CCL26: variants seen among roughly 807,000 people sequenced by gnomAD.
CCL26 encodes C-C motif chemokine 26.
In CCL26, 10 loss-of-function variants were observed where a neutral mutation model predicts 10.7. The ratio of observed to expected loss-of-function variants is 0.93; its 90% CI spans 0.57 to 1.58. The LOEUF (loss-of-function observed/expected upper bound fraction) is 1.58, where lower values mean the gene tolerates loss of function less well. CCL26 is among the 40% of genes most tolerant of loss of function. The probability of loss-of-function intolerance (pLI) is 0.00; values close to 1 mark genes in which losing one functional copy is unlikely to be tolerated. For missense variants in CCL26, 116 were observed against 111.0 expected (o/e 1.05, Z -0.20); for synonymous variants, 43 against 41.4 (o/e 1.04, Z -0.15).
intron 1 of CCL26, among the ~76,000 whole-genome samples, chr7:75,784,836 TC>T (rs1313488391): frequency 6.6e-6 from 1 of 151,396 alleles, no homozygotes; most frequent in Non-Finnish European, 1.5e-5. Flanking sequence ...ACACCTCTAC[TC>T]CCCCCTTGGT....
At chr7:75,787,984 A>T (rs1803239451) in intron 1 of CCL26, among the ~76,000 whole-genome samples, 1 of 151,906 alleles carries the variant, frequency 6.6e-6, no homozygotes, top group Non-Finnish European at 1.5e-5. Flanking sequence ...CTTACCACAA[A>T]AATCTTCCTT....
chr7:75,774,665 C>T (rs910008229), upstream of CCL26, among the ~76,000 whole-genome samples: 14 of 151,988 alleles, frequency 9.2e-5, no homozygotes, highest in South Asian at 2.1e-4. Flanking sequence ...AGGCTGGTCT[C>T]GAATTCCTGA....
chr7:75,775,020 G>A (rs142741570), upstream of CCL26, among the ~76,000 whole-genome samples: 123 of 152,226 alleles, frequency 8.1e-4, no homozygotes, highest in African/African-American at 2.9e-3. Context: ...AGGAGTTCAA[G>A]ATGAGTCTGG....
At chr7:75,777,224 C>T (rs183077160) in intron 1 of CCL26, among the ~76,000 whole-genome samples, 2 of 152,146 alleles carry the variant, frequency 1.3e-5, no homozygotes, top group East Asian at 3.9e-4. Flanking sequence ...AAGAGTGAAA[C>T]TCCATCTTAA....
intron 1 of CCL26, among the ~76,000 whole-genome samples, chr7:75,783,577 A>T (rs1803112302): frequency 2.0e-5 from 3 of 152,282 alleles, no homozygotes; most frequent in Admixed American, 2.0e-4. Flanking sequence ...AGGTGGGCGG[A>T]TCACGAGGTC....
intron 1 of CCL26, among the ~76,000 whole-genome samples, chr7:75,784,899 C>T (rs1357244944): frequency 2.0e-5 from 3 of 152,060 alleles, no homozygotes; most frequent in South Asian, 2.1e-4. Context: ...ACCCTTACAC[C>T]GCTCAACGGC....
upstream of CCL26, among the ~76,000 whole-genome samples, chr7:75,774,441 GC>G (rs1472453995): frequency 6.7e-6 from 1 of 149,856 alleles, no homozygotes; most frequent in Non-Finnish European, 1.5e-5. Context: ...AAACCGCCAT[GC>G]CCAGCTGTTT....
chr7:75,786,771 C>A (rs1803194600), intron 1 of CCL26, among the ~76,000 whole-genome samples: 2 of 152,222 alleles, frequency 1.3e-5, no homozygotes, highest in South Asian at 4.1e-4. Flanking sequence ...TCTTTTCCCA[C>A]ACAAGACAAA....
chr7:75,779,262 C>T (rs1585012683), intron 1 of CCL26, among the ~76,000 whole-genome samples: 1 of 152,204 alleles, frequency 6.6e-6, no homozygotes, highest in African/African-American at 2.4e-5. Context: ...AGCTTTATTG[C>T]TCACACAAAT....
In CCL26 at chr7:75,769,602, TGTA is replaced by T. The variant is rs1335373354; in HGVS notation, c.*88_*90del. On this transcript the variant is annotated 3_prime_UTR_variant, in exon 3 of 3. Transcript: ENST00000005180. ...CACCCTCTCCTCCCCAGCGGGTCCA[TGTA>T]GCCTTCAGAAAAGATTCCGCAGGCT... 2 of 785,290 alleles carry T rather than the reference TGTA, an allele frequency of 2.5e-6. No homozygotes were observed. The highest frequency in any genetic ancestry group is 4.4e-6 in the Non-Finnish European group (2 of 450,714). The allele number at this position is 785,290 out of a possible 1,614,324, so 48.6% of individuals were successfully genotyped here. A position where few individuals can be genotyped will look rare whatever the true frequency, so the allele number is the denominator to read the frequency against.
At chr7:75,769,537 C>T (rs879968290), downstream of CCL26, 1 of 532,556 alleles carries the variant, frequency 1.9e-6, no homozygotes, top group African/African-American at 1.9e-5. Flanking sequence ...AACAAGTCAA[C>T]TCTATGAACA....
rs1554527897 is a variant in CCL26, at chr7:75,769,788, A to G, written c.190T>C (p.Phe64Leu). The change falls in exon 3 of 3, where the codon TTC becomes CTC. Residue 64 changes from phenylalanine (F) to leucine (L), a missense_variant and splice_region_variant. Transcript: ENST00000005180. ...SNSCSQRAVI[F>L]TTKRGKKVCT... The stretch of plus-strand genomic sequence containing the variant: ...ACTTTCTTGCCTCTTTTGGTAGTGA[A>G]TCTGTGAAAAAGAGACACGGATAAG... 6.3e-7 allele frequency: 1 copy of G among 1,593,008 alleles called. No homozygotes were observed. Among genetic ancestry groups the G allele is most frequent in the Admixed American group, 1.7e-5 (1 of 59,986 alleles).
chr7:75,785,152 C>T (rs1803156403), intron 1 of CCL26, among the ~76,000 whole-genome samples: 1 of 152,128 alleles, frequency 6.6e-6, no homozygotes, highest in Non-Finnish European at 1.5e-5. Flanking sequence ...CTCCACAACT[C>T]ACTATTTTGT....
At chr7:75,772,814 G>A (rs75506317), upstream of CCL26, among the ~76,000 whole-genome samples, 1,009 of 152,326 alleles carry the variant, frequency 6.6e-3, 4 homozygotes, top group Middle Eastern at 0.014. Context: ...CAGTGCTGTT[G>A]GCTGAGTCAA....
chr7:75,790,149 GTCTC>G (rs1380132706), upstream of CCL26, among the ~76,000 whole-genome samples: 1 of 101,456 alleles, frequency 9.9e-6, no homozygotes, highest in Non-Finnish European at 2.0e-5. Context: ...CTCTCTTTCT[GTCTC>G]TCTCCCTTCC....
chr7:75,775,232 AC>A (rs200948706), upstream of CCL26, among the ~76,000 whole-genome samples: 156 of 151,532 alleles, frequency 1.0e-3, 1 homozygote, highest in South Asian at 6.3e-3. Flanking sequence ...AGGAAAAAAA[AC>A]AAATTCTTTT....
At chr7:75,774,742 G>A (rs570374897), upstream of CCL26, among the ~76,000 whole-genome samples, 36 of 138,198 alleles carry the variant, frequency 2.6e-4, no homozygotes, top group South Asian at 1.5e-3. Flanking sequence ...CACCCCACCC[G>A]GCCTATTTTT....
At chr7:75,771,253 G>A (rs146711010) in intron 2 of CCL26, among the ~76,000 whole-genome samples, 1 of 152,104 alleles carries the variant, frequency 6.6e-6, no homozygotes, top group East Asian at 1.9e-4. Flanking sequence ...TAATTCAATG[G>A]TTTTTAGTAT....
chr7:75,790,076 TCTTC>T (rs1712693649), upstream of CCL26, among the ~76,000 whole-genome samples: 1 of 137,910 alleles, frequency 7.3e-6, no homozygotes, highest in Non-Finnish European at 1.5e-5. Context: ...TCCCTTCTTT[TCTTC>T]CTTCTTCCCC....
Sources: gnomAD v4.1 joint callset for allele counts (sites outside exome capture counted in the v4.1 genomes callset) on GRCh38, gnomAD v4.1.1 for gene constraint, MANE v1.5 for transcripts, NCBI Gene and HGNC (gene_info 2026-07-23, HGNC 2026-07-21) for gene names.